The following RIC1 variants were observed in gnomAD, a reference collection of about 807,000 sequenced individuals.
RIC1 encodes guanine nucleotide exchange factor subunit RIC1.
A neutral mutation model predicts 169.0 loss-of-function variants in RIC1; 88 were observed. The ratio of observed to expected loss-of-function variants is 0.52; its 90% CI spans 0.44 to 0.62. The LOEUF (loss-of-function observed/expected upper bound fraction) is 0.62. Ranked by LOEUF, RIC1 falls within the 20% of genes least tolerant of loss-of-function variation. The probability of loss-of-function intolerance (pLI) is 0.00; values close to 1 mark genes in which losing one functional copy is unlikely to be tolerated. For missense variants in RIC1, 1,877 were observed against 1,725.5 expected (o/e 1.09, Z -1.56); for synonymous variants, 790 against 601.5 (o/e 1.31, Z -4.59).
rs570262286 is a variant in RIC1, at chr9:5,753,659, T to A, written c.1602+13T>A. The stretch of plus-strand genomic sequence containing the variant: ...AAACATTACCCAGGTTAGTCTTTTT[T>A]GAGATTAAAAACCTATTTCTCAAAG... On this transcript the variant is annotated intron_variant, in intron 14 of 25. Coordinates refer to ENST00000414202, the MANE Select transcript of RIC1 (RefSeq NM_020829.4). 9 of 1,373,538 alleles carry A rather than the reference T, an allele frequency of 6.6e-6. No individual in the cohort carries two copies. Among genetic ancestry groups the A allele is most frequent in the Non-Finnish European group, 9.2e-6 (9 of 975,834 alleles). The allele number at this position is 1,373,538 out of a possible 1,614,324, so 85.1% of individuals were successfully genotyped here.
intron 7 of RIC1, among the ~76,000 whole-genome samples, chr9:5,734,306 G>C (rs192364340): frequency 1.3e-5 from 2 of 151,610 alleles, no homozygotes; most frequent in African/African-American, 2.4e-5. Flanking sequence ...GAGTTTCACT[G>C]TGTTGGTCAG....
chr9:5,742,269 G>C (rs1825126516), intron 8 of RIC1, among the ~76,000 whole-genome samples: 2 of 152,118 alleles, frequency 1.3e-5, no homozygotes, highest in South Asian at 4.1e-4. Flanking sequence ...CTAACATGCT[G>C]TGAGTCATCA....
At chr9:5,757,727 C>A (rs1182973869) in intron 17 of RIC1, among the ~76,000 whole-genome samples, 3 of 152,174 alleles carry the variant, frequency 2.0e-5, no homozygotes, top group Non-Finnish European at 2.9e-5. Flanking sequence ...ATAGTCTGAA[C>A]AGTCAGAGAT....
intron 2 of RIC1, among the ~76,000 whole-genome samples, chr9:5,660,540 C>G (rs1489721278): frequency 6.6e-6 from 1 of 152,178 alleles, no homozygotes; most frequent in East Asian, 1.9e-4. Flanking sequence ...TTAGTAATAG[C>G]CATTCTGGCT....
At chr9:5,632,755 G>A (rs1490518209) in intron 1 of RIC1, among the ~76,000 whole-genome samples, 2 of 152,186 alleles carry the variant, frequency 1.3e-5, no homozygotes, top group Non-Finnish European at 2.9e-5. Flanking sequence ...TGACGTAGGT[G>A]TAGTGTGAGA....
chr9:5,707,674 T>G (rs1160195545), intron 3 of RIC1, among the ~76,000 whole-genome samples: 1 of 152,092 alleles, frequency 6.6e-6, no homozygotes. Flanking sequence ...TTTGTTTGTT[T>G]GTTTGTTTGT....
At chr9:5,750,794 C>A (rs1208315570) in intron 12 of RIC1, among the ~76,000 whole-genome samples, 1 of 151,596 alleles carries the variant, frequency 6.6e-6, no homozygotes, top group Non-Finnish European at 1.5e-5. Flanking sequence ...CTGCCTCTTC[C>A]TTACTTCTGC....
chr9:5,686,813 G>T (rs1408312402), intron 2 of RIC1, among the ~76,000 whole-genome samples: 3 of 152,036 alleles, frequency 2.0e-5, no homozygotes, highest in African/African-American at 7.2e-5. Flanking sequence ...AGGGATCTTG[G>T]CCTGTAGTTA....
At chr9:5,766,862 A>G (rs1826802849) in intron 21 of RIC1, among the ~76,000 whole-genome samples, 1 of 152,200 alleles carries the variant, frequency 6.6e-6, no homozygotes, top group Admixed American at 6.5e-5. Context: ...GAACCCCAGT[A>G]GTGAGATTGC....
At chr9:5,704,928 C>T (rs1216965087) in intron 3 of RIC1, among the ~76,000 whole-genome samples, 2 of 152,094 alleles carry the variant, frequency 1.3e-5, no homozygotes, top group Non-Finnish European at 2.9e-5. Context: ...GTTGTTTCCC[C>T]TGTTGAGTGC....
chr9:5,656,374 A>G (rs1407279228), intron 1 of RIC1, among the ~76,000 whole-genome samples: 1 of 151,668 alleles, frequency 6.6e-6, no homozygotes, highest in Non-Finnish European at 1.5e-5. Context: ...TTAATTATTA[A>G]TTCAGTTTCT....
rs75433323 is a variant in RIC1, at chr9:5,740,360, A to G, written c.901+1822A>G. 1.1e-3 allele frequency among the ~76,000 whole-genome samples: 169 copies of G among 152,186 alleles called. 3 individuals are homozygous for G. The East Asian group carries it at 0.031, about 28-fold the overall frequency. Reference sequence around the variant, plus strand: ...GCCAACTCTAGAAACCCCAAAACCAATGAAGGAACTCCATCCTTAATATTC... The same window carrying G: ...GCCAACTCTAGAAACCCCAAAACCAGTGAAGGAACTCCATCCTTAATATTC... On this transcript the variant is annotated intron_variant, in intron 8 of 25. Coordinates refer to ENST00000414202, the MANE Select transcript of RIC1 (RefSeq NM_020829.4).
chr9:5,703,564 T>G (rs1467723268), intron 3 of RIC1, among the ~76,000 whole-genome samples: 1 of 152,242 alleles, frequency 6.6e-6, no homozygotes, highest in Admixed American at 6.5e-5. Context: ...ATACACTATA[T>G]AAATATAATA....
intron 12 of RIC1, among the ~76,000 whole-genome samples, chr9:5,752,702 C>T (rs1825796179): frequency 6.6e-6 from 1 of 152,180 alleles, no homozygotes; most frequent in Non-Finnish European, 1.5e-5. Context: ...TCCCAAAGTG[C>T]TGGGATTACA....
chr9:5,757,524 ATTTG>A (rs1826080660), intron 17 of RIC1, 73 bp downstream of exon 17: 12 of 1,512,616 alleles, frequency 7.9e-6, no homozygotes, highest in Middle Eastern at 1.8e-4. Flanking sequence ...ATTAGGAAGT[ATTTG>A]TTTGGCAAAT....
At chr9:5,777,385 G>A (rs1586746800), downstream of RIC1, among the ~76,000 whole-genome samples, 1 of 147,706 alleles carries the variant, frequency 6.8e-6, no homozygotes, top group South Asian at 2.1e-4. Flanking sequence ...ACTCTAAAAT[G>A]TACCCATTAA....
At position 5,776,018 on chromosome 9, in the gene RIC1, T is replaced by C. The variant is rs1827563077; in HGVS notation, c.*1772T>C. On this transcript the variant is annotated 3_prime_UTR_variant, in exon 26 of 26. Coordinates refer to ENST00000414202, the MANE Select transcript of RIC1 (RefSeq NM_020829.4). ...AGAAGAACCAGCATTGCTTTTGTGTTTGGTGTGAATATTCAGTCAATAAAA... is the reference window on the plus strand; with the variant it reads ...AGAAGAACCAGCATTGCTTTTGTGTCTGGTGTGAATATTCAGTCAATAAAA... The C allele has an allele frequency of 6.6e-6, 1 of 152,166 alleles. No homozygotes were observed. 9.4% of individuals were successfully genotyped at this position (152,166 alleles called of 1,614,324 possible). A position where few individuals can be genotyped will look rare whatever the true frequency, so the allele number is the denominator to read the frequency against.
chr9:5,689,105 G>C (rs1404090048), intron 2 of RIC1, among the ~76,000 whole-genome samples: 10 of 133,228 alleles, frequency 7.5e-5, no homozygotes, highest in Admixed American at 2.6e-4. Flanking sequence ...GGGGAGTGCA[G>C]TGGCGCGATC....
At chr9:5,703,034 C>G (rs1051431146) in intron 3 of RIC1, among the ~76,000 whole-genome samples, 1 of 152,088 alleles carries the variant, frequency 6.6e-6, no homozygotes, top group South Asian at 2.1e-4. Flanking sequence ...ACCCTTGTCC[C>G]CTGCCAAATC....
Sources: allele counts gnomAD v4.1 joint callset (sites outside exome capture counted in the v4.1 genomes callset), GRCh38; gene constraint gnomAD v4.1.1; transcripts MANE v1.5; gene names NCBI Gene and HGNC (gene_info 2026-07-23, HGNC 2026-07-21).